The following RAI14 variants were observed in gnomAD, a reference collection of about 807,000 sequenced individuals.
RAI14 encodes ankycorbin.
RAI14 carries 45 observed loss-of-function variants against 115.4 expected under a neutral mutation model. The ratio of observed to expected loss-of-function variants is 0.39; its 90% confidence interval spans 0.31 to 0.50. RAI14 has a LOEUF of 0.50. Ranked by LOEUF, RAI14 falls within the 20% of genes least tolerant of loss-of-function variation. The pLI, the probability that RAI14 is intolerant of heterozygous loss-of-function variation, is 0.85. For missense variants in RAI14, 939 were observed against 1,131.2 expected (o/e 0.83, Z 2.44); for synonymous variants, 371 against 415.4 (o/e 0.89, Z 1.30).
rs771726518 is a variant in RAI14 at position 34,824,079 on chromosome 5, A to G, written c.2237A>G (p.Glu746Gly). ...ACCACGCTGCGGACTGCAGCAAAAG[A>G]GATGGAAGAAAAAATAAGCAATCTT... Reference protein sequence around the residue: ...VITTLRTAAKEMEEKISNLKE... With the variant: ...VITTLRTAAKGMEEKISNLKE... The change falls in exon 15 of 18, where the codon GAG becomes GGG. Residue 746 changes from glutamate (E) to glycine (G), a missense_variant. Coordinates refer to ENST00000265109, the MANE Select transcript of RAI14 (RefSeq NM_015577.3). 6.8e-6 allele frequency: 11 copies of G among 1,614,222 alleles called. No individual in the cohort carries two copies. In the Admixed American group the frequency reaches 1.0e-4, roughly 15 times the overall value.
chr5:34,692,020 T>C (rs902962540), intron 2 of RAI14, among the ~76,000 whole-genome samples: 11 of 152,202 alleles, frequency 7.2e-5, no homozygotes, highest in Non-Finnish European at 1.3e-4. Flanking sequence ...CCTAGCACTT[T>C]GGGAGGCCAA....
intron 2 of RAI14, among the ~76,000 whole-genome samples, chr5:34,742,074 A>G (rs1408535627): frequency 6.6e-6 from 1 of 152,180 alleles, no homozygotes; most frequent in Non-Finnish European, 1.5e-5. Context: ...ATGCCAGGGA[A>G]ACGAGAGACG....
At chr5:34,721,621 T>C (rs1742766290) in intron 2 of RAI14, among the ~76,000 whole-genome samples, 1 of 152,164 alleles carries the variant, frequency 6.6e-6, no homozygotes, top group African/African-American at 2.4e-5. Flanking sequence ...CGTGTCTGCC[T>C]TTATGGCTTG....
At position 34,782,516 on chromosome 5, in the gene RAI14, C is replaced by G. The variant is rs142419886; in HGVS notation, c.168-13423C>G. ...GTTCCTGGCATTAAGTTCAGGTGTG[C>G]CTGGGATGCTTTAAATATTTGTTCT... On this transcript the variant is annotated intron_variant, in intron 3 of 17. Coordinates refer to ENST00000265109, the MANE Select transcript of RAI14 (RefSeq NM_015577.3). Among the ~76,000 whole-genome samples the G allele has an allele frequency of 1.7e-3, 261 of 152,266 alleles. 1 individual carries two copies. The highest frequency in any genetic ancestry group is 5.7e-3 in the African/African-American group (236 of 41,568).
At chr5:34,683,232 A>C (rs1469706405) in intron 1 of RAI14, among the ~76,000 whole-genome samples, 1 of 152,154 alleles carries the variant, frequency 6.6e-6, no homozygotes, top group Non-Finnish European at 1.5e-5. Flanking sequence ...GGATTTCCAG[A>C]ACTTCTTTTC....
intron 2 of RAI14, among the ~76,000 whole-genome samples, chr5:34,747,784 C>T (rs1746479558): frequency 6.6e-6 from 1 of 152,176 alleles, no homozygotes; most frequent in East Asian, 1.9e-4. Context: ...CAAAGCCTTT[C>T]CATGCACAGC....
intron 3 of RAI14, among the ~76,000 whole-genome samples, chr5:34,777,438 A>T (rs1751003839): frequency 2.6e-5 from 4 of 152,214 alleles, no homozygotes; most frequent in Admixed American, 2.6e-4. Flanking sequence ...CAGATGCCAC[A>T]TGTTCTCACT....
intron 3 of RAI14, among the ~76,000 whole-genome samples, chr5:34,787,624 G>C (rs976371499): frequency 6.6e-6 from 1 of 152,034 alleles, no homozygotes; most frequent in Non-Finnish European, 1.5e-5. Flanking sequence ...ATCGATACAG[G>C]GATTTTTTTG....
chr5:34,739,306 G>A lies in RAI14; in HGVS notation c.37-18162G>A, dbSNP rs140363513. Among the ~76,000 whole-genome samples the A allele has an allele frequency of 9.1e-3, 1,390 of 152,254 alleles. 20 individuals carry two copies. Among genetic ancestry groups the A allele is most frequent in the African/African-American group, 0.032 (1,326 of 41,514 alleles). Reference sequence around the variant, plus strand: ...GCACACAGGGGCAACTAACTTGCCCGAGATAATAAGTGGTAGAGCGAGGCT... The same window carrying A: ...GCACACAGGGGCAACTAACTTGCCCAAGATAATAAGTGGTAGAGCGAGGCT... On this transcript the variant is annotated intron_variant, in intron 2 of 17. Coordinates refer to ENST00000265109, the MANE Select transcript of RAI14 (RefSeq NM_015577.3).
intron 2 of RAI14, among the ~76,000 whole-genome samples, chr5:34,740,886 A>G (rs1387906865): frequency 6.6e-6 from 1 of 152,208 alleles, no homozygotes; most frequent in Non-Finnish European, 1.5e-5. Context: ...CTTTCTTGAG[A>G]ACTATAAGAG....
At chr5:34,766,853 T>C (rs1174635376) in intron 3 of RAI14, among the ~76,000 whole-genome samples, 2 of 152,196 alleles carry the variant, frequency 1.3e-5, no homozygotes, top group Non-Finnish European at 2.9e-5. Flanking sequence ...TTCCTACATA[T>C]TGTGGGGGTA....
intron 2 of RAI14, among the ~76,000 whole-genome samples, chr5:34,726,833 C>T (rs1331669923): frequency 6.6e-6 from 1 of 152,206 alleles, no homozygotes; most frequent in African/African-American, 2.4e-5. Context: ...TCTCCGCAGT[C>T]ATGCGTAACT....
At position 34,807,724 on chromosome 5, in the gene RAI14, T is replaced by G. The variant is rs1413028968; in HGVS notation, c.322-76T>G. 6.1e-6 allele frequency: 7 copies of G among 1,141,916 alleles called. No individual in the cohort carries two copies. The South Asian group carries it at 6.2e-5, about 10-fold the overall frequency. 70.7% of individuals were successfully genotyped at this position (1,141,916 alleles called of 1,614,324 possible). A position where few individuals can be genotyped will look rare whatever the true frequency, so the allele number is the denominator to read the frequency against. On this transcript the variant is annotated intron_variant, in intron 5 of 17. Coordinates refer to ENST00000265109, the MANE Select transcript of RAI14 (RefSeq NM_015577.3). ...CTTCCTAATAAGTCACATCATACCT[T>G]GCAGGAAAAGTCTGAACTGAATAGA...
At chr5:34,777,725 GC>G (rs35771304) in intron 3 of RAI14, among the ~76,000 whole-genome samples, 1 of 152,186 alleles carries the variant, frequency 6.6e-6, no homozygotes, top group African/African-American at 2.4e-5. Flanking sequence ...ATGGCAGTGA[GC>G]CGAGATCGTG....
intron 3 of RAI14, among the ~76,000 whole-genome samples, chr5:34,778,400 T>G (rs1751162548): frequency 6.6e-6 from 1 of 152,146 alleles, no homozygotes; most frequent in South Asian, 2.1e-4. Flanking sequence ...CATCAGAATC[T>G]GGATAGTACC....
intron 3 of RAI14, among the ~76,000 whole-genome samples, chr5:34,776,247 G>A (rs1341701918): frequency 6.6e-6 from 1 of 152,170 alleles, no homozygotes; most frequent in African/African-American, 2.4e-5. Flanking sequence ...CAGAATGATG[G>A]TTACCACAGG....
intron 1 of RAI14, among the ~76,000 whole-genome samples, chr5:34,678,620 C>G (rs1253971348): frequency 6.6e-6 from 1 of 152,210 alleles, no homozygotes; most frequent in Non-Finnish European, 1.5e-5. Flanking sequence ...CAGAAGGAAA[C>G]CAACCCTGTT....
intron 2 of RAI14, among the ~76,000 whole-genome samples, chr5:34,713,837 G>T (rs750619512): frequency 6.6e-5 from 10 of 151,932 alleles, no homozygotes; most frequent in Admixed American, 3.9e-4. Flanking sequence ...ATGGAGTCTC[G>T]CTCTGTCACC....
intron 3 of RAI14, among the ~76,000 whole-genome samples, chr5:34,774,001 C>T (rs1473845521): frequency 1.3e-5 from 2 of 152,130 alleles, no homozygotes; most frequent in Non-Finnish European, 2.9e-5. Flanking sequence ...TTCTTGTTTG[C>T]AGATGATATG....
Sources: gnomAD v4.1 joint callset for allele counts (sites outside exome capture counted in the v4.1 genomes callset) on GRCh38, gnomAD v4.1.1 for gene constraint, MANE v1.5 for transcripts, NCBI Gene and HGNC (gene_info 2026-07-23, HGNC 2026-07-21) for gene names.